UGDH: variants seen among roughly 807,000 people sequenced by gnomAD.
The protein encoded by UGDH is UDP-glucose 6-dehydrogenase.
A neutral mutation model predicts 50.6 loss-of-function variants in UGDH; 38 were observed. That is an observed-to-expected ratio of 0.75 (90% CI 0.58 to 0.98). The LOEUF (loss-of-function observed/expected upper bound fraction) is 0.98, where lower values mean the gene tolerates loss of function less well. Ranked by LOEUF, UGDH falls within the 50% of genes least tolerant of loss-of-function variation. The pLI is 0.00. For synonymous variants in UGDH, 168 were observed against 199.9 expected (o/e 0.84, Z 1.35); for missense variants, 465 against 606.2 (o/e 0.77, Z 2.45).
Position 39,498,871 on chromosome 4 carries a change from G to A in UGDH, c.*1272C>T, listed in dbSNP as rs969276440. 3.9e-5 allele frequency: 6 copies of A among 152,126 alleles called. No individual in the cohort carries two copies. Among genetic ancestry groups the A allele is most frequent in the African/African-American group, 7.2e-5 (3 of 41,422 alleles). The allele number at this position is 152,126 out of a possible 1,614,324, so 9.4% of individuals were successfully genotyped here. A position where few individuals can be genotyped will look rare whatever the true frequency, so the allele number is the denominator to read the frequency against. ...GAACTGCAAAATTCCTGAAGGATGA[G>A]ACCTGGGATGTTTAATGCAAACTGT... On this transcript the variant is annotated 3_prime_UTR_variant, in exon 12 of 12. Coordinates refer to ENST00000316423, the MANE Select transcript of UGDH (RefSeq NM_003359.4).
Position 39,510,750 on chromosome 4 carries a change from C to T in UGDH, c.376G>A (p.Val126Met). The stretch of plus-strand genomic sequence containing the variant: ...ACTGGAACTGTGCTTTTCTCAGTCA[C>T]AATTTTGTACCCATTTGAGTTTTGC... ...IVQNSNGYKI[V>M]TEKSTVPVRA... The change falls in exon 4 of 12, where the codon GTG becomes ATG. Residue 126 changes from valine to methionine, a missense_variant. Val to Met is a conservative substitution (Grantham distance 21). Coordinates refer to ENST00000316423, the MANE Select transcript of UGDH (RefSeq NM_003359.4). 1 of 1,614,180 alleles carries T rather than the reference C, an allele frequency of 6.2e-7. No homozygotes were observed. The highest frequency in any genetic ancestry group is 8.5e-7 in the Non-Finnish European group (1 of 1,180,012).
chr4:39,520,492 A>T (rs967697999), intron 2 of UGDH, among the ~76,000 whole-genome samples: 2 of 152,064 alleles, frequency 1.3e-5, no homozygotes, highest in African/African-American at 4.8e-5. Context: ...GAAATAATAA[A>T]AAAAAAGGAA....
chr4:39,525,495 CA>C (rs1746840191), intron 1 of UGDH, among the ~76,000 whole-genome samples: 2 of 70,512 alleles, frequency 2.8e-5, no homozygotes, highest in Non-Finnish European at 5.7e-5. Flanking sequence ...CGCCCAGCCC[CA>C]TTTTCTTTTC....
At position 39,527,274 on chromosome 4, in the gene UGDH, G is replaced by T; in HGVS notation, c.-8+9C>A. ...CGGGCGGCGGGGCCAGCCTGGGAGCGGCGCTTACCCACTTCCCAGCAGCAA... is the reference window on the plus strand; with the variant it reads ...CGGGCGGCGGGGCCAGCCTGGGAGCTGCGCTTACCCACTTCCCAGCAGCAA... On this transcript the variant is annotated intron_variant, in intron 1 of 11. Coordinates refer to ENST00000316423, the MANE Select transcript of UGDH (RefSeq NM_003359.4). 6.8e-6 allele frequency: 3 copies of T among 439,216 alleles called. No homozygotes were observed. The highest frequency in any genetic ancestry group is 6.0e-5 in the South Asian group (3 of 50,170). 27.2% of individuals were successfully genotyped at this position (439,216 alleles called of 1,614,324 possible). A position where few individuals can be genotyped will look rare whatever the true frequency, so the allele number is the denominator to read the frequency against.
chr4:39,512,909 C>A (rs1360246497), intron 3 of UGDH, among the ~76,000 whole-genome samples: 1 of 150,324 alleles, frequency 6.7e-6, no homozygotes, highest in Non-Finnish European at 1.5e-5. Context: ...GCAGCCTCAA[C>A]CTCCAGGGTT....
rs774610502 is a variant in UGDH at position 39,510,369 on chromosome 4, G to T, written c.647C>A (p.Ser216Ter). Reference sequence around the variant, plus strand: ...TATACTAACCAGTTTGGAAAGCTCTGAAGACCAAGTATTAGTGGTGAGGAT... The same window carrying T: ...TATACTAACCAGTTTGGAAAGCTCTTAAGACCAAGTATTAGTGGTGAGGAT... ...EKILTTNTWS[S>*]ELSKLAANAF... The change falls in exon 5 of 12, where the codon TCA (serine) becomes TAA (stop). Residue 216 changes from serine to a stop codon, truncating the protein, a stop_gained. Coordinates refer to ENST00000316423, the MANE Select transcript of UGDH (RefSeq NM_003359.4). LOFTEE classifies it high-confidence loss of function. 2 of 1,614,178 alleles carry T rather than the reference G, an allele frequency of 1.2e-6. No homozygotes were observed. Among genetic ancestry groups the T allele is most frequent in the Non-Finnish European group, 1.7e-6 (2 of 1,180,040 alleles).
At chr4:39,500,345 A>AT (rs1439771957) in intron 11 of UGDH, 92 bp from the exon 12 acceptor site, 6 of 766,446 alleles carry the variant, frequency 7.8e-6, no homozygotes, top group African/African-American at 1.8e-5. Flanking sequence ...GGGAATCTAG[A>AT]TTTTTTTCTT....
chr4:39,519,016 A>C (rs568049204), intron 2 of UGDH, among the ~76,000 whole-genome samples: 7 of 152,220 alleles, frequency 4.6e-5, no homozygotes, highest in African/African-American at 1.7e-4. Context: ...TCCCAGGTTC[A>C]AGCAATTCTC....
chr4:39,514,061 CACA>C lies in UGDH; in HGVS notation c.264+19_264+21del. The C allele has an allele frequency of 6.5e-7, 1 of 1,548,520 alleles. No homozygotes were observed. The highest frequency in any genetic ancestry group is 8.8e-7 in the Non-Finnish European group (1 of 1,138,080). ...ATAGACAAGAATACATTAAAATTCA[CACA>C]ACAAAGGAAAATACTTACAGAAATA... On this transcript the variant is annotated intron_variant, in intron 3 of 11. Coordinates refer to ENST00000316423, the MANE Select transcript of UGDH (RefSeq NM_003359.4).
intron 2 of UGDH, among the ~76,000 whole-genome samples, chr4:39,517,638 T>A (rs1251918564): frequency 6.6e-6 from 1 of 152,230 alleles, no homozygotes; most frequent in Non-Finnish European, 1.5e-5. Context: ...ATTCATGTAA[T>A]GAGAGAAGAA....
intron 7 of UGDH, among the ~76,000 whole-genome samples, chr4:39,506,844 T>C (rs1285019078): frequency 6.6e-6 from 1 of 152,124 alleles, no homozygotes; most frequent in Non-Finnish European, 1.5e-5. Context: ...ATGACACTAA[T>C]TGTATCTGTT....
Position 39,505,090 on chromosome 4 carries a change from T to C in UGDH, c.1171+147A>G, listed in dbSNP as rs538594278. On this transcript the variant is annotated intron_variant, in intron 9 of 11. Coordinates refer to ENST00000316423, the MANE Select transcript of UGDH (RefSeq NM_003359.4). Reference sequence around the variant, plus strand: ...CTTCAAATCAATGTTGATGACATTATGCCTAAGACTTTAATTTCAGAGAAA... The same window carrying C: ...CTTCAAATCAATGTTGATGACATTACGCCTAAGACTTTAATTTCAGAGAAA... 17 of 735,714 alleles carry C rather than the reference T, an allele frequency of 2.3e-5. No homozygotes were observed. In the South Asian group the frequency reaches 4.4e-4, roughly 19 times the overall value. The allele number at this position is 735,714 out of a possible 1,614,324, so 45.6% of individuals were successfully genotyped here.
At position 39,500,011 on chromosome 4, in the gene UGDH, C is replaced by G; in HGVS notation, c.*132G>C. On this transcript the variant is annotated 3_prime_UTR_variant, in exon 12 of 12. Coordinates refer to ENST00000316423, the MANE Select transcript of UGDH (RefSeq NM_003359.4). Reference sequence around the variant, plus strand: ...CACCACTGCACTCCAGCCTGGGCAACAGTGAGACTCTGTCTCAAAAAAAAA... The same window carrying G: ...CACCACTGCACTCCAGCCTGGGCAAGAGTGAGACTCTGTCTCAAAAAAAAA... 1 of 546,798 alleles carries G rather than the reference C, an allele frequency of 1.8e-6. No individual in the cohort carries two copies. The highest frequency in any genetic ancestry group is 3.5e-5 in the Admixed American group (1 of 28,512). The allele number at this position is 546,798 out of a possible 1,614,324, so 33.9% of individuals were successfully genotyped here. A position where few individuals can be genotyped will look rare whatever the true frequency, so the allele number is the denominator to read the frequency against.
At chr4:39,521,319 C>G in intron 2 of UGDH, 32 bp downstream of exon 2, 1 of 1,551,784 alleles carries the variant, frequency 6.4e-7, no homozygotes. Flanking sequence ...AAGAAAAAAG[C>G]ATAAAAACAA....
Position 39,514,210 on chromosome 4 carries a change from G to A in UGDH, c.163-26C>T, listed in dbSNP as rs998899937. The A allele has an allele frequency of 3.3e-6, 5 of 1,525,048 alleles. No homozygotes were observed. In the South Asian group the frequency reaches 3.6e-5, roughly 11 times the overall value. The allele number at this position is 1,525,048 out of a possible 1,614,324, so 94.5% of individuals were successfully genotyped here. A position where few individuals can be genotyped will look rare whatever the true frequency, so the allele number is the denominator to read the frequency against. ...CTAAAAAGAAAAAAGAAAAGGAATT[G>A]TACATATAGCTTGCCAGTGATATGA... On this transcript the variant is annotated intron_variant, in intron 2 of 11. Transcript: ENST00000316423.
At chr4:39,527,008 A>G in intron 1 of UGDH, 1 of 1,289,300 alleles carries the variant, frequency 7.8e-7, no homozygotes, top group Non-Finnish European at 1.0e-6. Flanking sequence ...CATCCAAGTC[A>G]GGAAAGTGGG....
At chr4:39,505,585 CA>C (rs1179010752) in intron 8 of UGDH, 32 bp downstream of exon 8, 4 of 1,550,876 alleles carry the variant, frequency 2.6e-6, no homozygotes, top group Non-Finnish European at 3.5e-6. Flanking sequence ...AACACAATCT[CA>C]AAAGGGTTGA....
At chr4:39,523,517 T>C (rs1210522717) in intron 1 of UGDH, among the ~76,000 whole-genome samples, 3 of 152,102 alleles carry the variant, frequency 2.0e-5, no homozygotes, top group Admixed American at 2.0e-4. Context: ...AAAAATTATT[T>C]ATTCTGGCCA....
At chr4:39,507,083 G>A (rs1008217626) in intron 7 of UGDH, among the ~76,000 whole-genome samples, 3 of 152,120 alleles carry the variant, frequency 2.0e-5, no homozygotes, top group African/African-American at 7.2e-5. Context: ...ATAAACTCGG[G>A]GAAAATATTT....
Sources: gnomAD v4.1 joint callset for allele counts (sites outside exome capture counted in the v4.1 genomes callset) on GRCh38, gnomAD v4.1.1 for gene constraint, MANE v1.5 for transcripts, NCBI Gene and HGNC (gene_info 2026-07-23, HGNC 2026-07-21) for gene names.